UBE2QL1: variants seen among roughly 807,000 people sequenced by gnomAD.
The protein encoded by UBE2QL1 is ubiquitin conjugating enzyme E2 QL1, also known as ubiquitin-conjugating enzyme E2Q-like protein 1.
Under a neutral mutation model 12.6 loss-of-function variants are expected in UBE2QL1, and 5 were observed. That is an observed-to-expected ratio of 0.40 (90% CI 0.21 to 0.83). The LOEUF (loss-of-function observed/expected upper bound fraction) is 0.83. Ranked by LOEUF, UBE2QL1 falls within the 40% of genes least tolerant of loss-of-function variation. UBE2QL1 has a pLI of 0.37. For missense variants in UBE2QL1, 99 were observed against 222.6 expected, an observed-to-expected ratio of 0.44 and a Z score of 3.53; for synonymous variants, 96 against 94.5, an observed-to-expected ratio of 1.02 and a Z score of -0.10.
At chr5:6,484,590 C>T (rs905860546) in intron 1 of UBE2QL1, among the ~76,000 whole-genome samples, 1 of 152,162 alleles carries the variant, frequency 6.6e-6, no homozygotes, top group African/African-American at 2.4e-5. Context: ...AGGCAGCAGT[C>T]GCACATCAGA....
At chr5:6,486,326 GCACA>G (rs376249394) in intron 1 of UBE2QL1, among the ~76,000 whole-genome samples, 4 of 149,036 alleles carry the variant, frequency 2.7e-5, no homozygotes, top group East Asian at 2.0e-4. Flanking sequence ...ACACACACAA[GCACA>G]CACACACACA....
intron 1 of UBE2QL1, among the ~76,000 whole-genome samples, chr5:6,486,954 G>A (rs1317430358): frequency 1.1e-4 from 16 of 152,168 alleles, no homozygotes. Flanking sequence ...AATACCAAGA[G>A]TGAGAGACCC....
intron 1 of UBE2QL1, among the ~76,000 whole-genome samples, chr5:6,475,380 C>T (rs893216890): frequency 1.3e-5 from 2 of 151,886 alleles, no homozygotes; most frequent in African/African-American, 2.4e-5. Flanking sequence ...GATAATAGAA[C>T]ACGGCATTTT....
intron 1 of UBE2QL1, among the ~76,000 whole-genome samples, chr5:6,456,997 GC>G (rs1406885059): frequency 1.3e-5 from 2 of 151,622 alleles, no homozygotes; most frequent in Admixed American, 6.6e-5. Flanking sequence ...CCTCGTGGGT[GC>G]CTGTCCTCTG....
rs542827198 is a variant in UBE2QL1, at chr5:6,465,615, T to TC, written c.354+16368_354+16369insC. Among the ~76,000 whole-genome samples, 164 of 151,946 alleles carry TC rather than the reference T, an allele frequency of 1.1e-3. 2 individuals carry two copies. The highest frequency in any genetic ancestry group is 3.8e-3 in the African/African-American group (158 of 41,422). ...TTGCACCTCGTTTCAACAGGGACTC[T>TC]TGGGGGGGCTCTGGGATGCTTCGGG... On this transcript the variant is annotated intron_variant, in intron 1 of 1. Coordinates refer to ENST00000399816, the MANE Select transcript of UBE2QL1 (RefSeq NM_001145161.3).
chr5:6,448,905 G>T lies in UBE2QL1; in HGVS notation c.12G>T (p.Leu4=). The change falls in exon 1 of 2, where the codon CTG becomes CTT. Residue 4 remains leucine, a synonymous_variant. Coordinates refer to ENST00000399816, the MANE Select transcript of UBE2QL1 (RefSeq NM_001145161.3). MKE[L]QDIARLSDRF... ...GCAGCCGGCGGCTCATGAAGGAGCT[G>T]CAGGACATCGCGCGCCTTAGCGACC... 1.3e-6 allele frequency: 2 copies of T among 1,536,988 alleles called. No homozygotes were observed. Among genetic ancestry groups the T allele is most frequent in the Non-Finnish European group, 1.8e-6 (2 of 1,140,954 alleles).
chr5:6,453,217 TCA>T lies in UBE2QL1; in HGVS notation c.354+3973_354+3974del, dbSNP rs561471984. The stretch of plus-strand genomic sequence containing the variant: ...TTGTACAGGTGAGGAAACTGTAGTT[TCA>T]CAGAGTCAGGTGGAGTTTATACAGC... On this transcript the variant is annotated intron_variant, in intron 1 of 1. Coordinates refer to ENST00000399816, the MANE Select transcript of UBE2QL1 (RefSeq NM_001145161.3). 8.9e-4 allele frequency among the ~76,000 whole-genome samples: 135 copies of T among 152,326 alleles called. 1 individual carries two copies. Among genetic ancestry groups the T allele is most frequent in the African/African-American group, 3.0e-3 (124 of 41,576 alleles).
At chr5:6,467,755 C>G (rs539682334) in intron 1 of UBE2QL1, among the ~76,000 whole-genome samples, 2 of 152,150 alleles carry the variant, frequency 1.3e-5, no homozygotes, top group African/African-American at 4.8e-5. Flanking sequence ...CGGGCCCCAC[C>G]GCCCCAGCCT....
At chr5:6,480,011 C>G (rs1018334176) in intron 1 of UBE2QL1, among the ~76,000 whole-genome samples, 2 of 152,240 alleles carry the variant, frequency 1.3e-5, no homozygotes, top group African/African-American at 2.4e-5. Flanking sequence ...GAGAGAGACA[C>G]AGGTAATTGG....
chr5:6,458,752 AGT>A (rs374676564), intron 1 of UBE2QL1, among the ~76,000 whole-genome samples: 31 of 152,372 alleles, frequency 2.0e-4, no homozygotes, highest in African/African-American at 7.5e-4. Context: ...AAAATACCAT[AGT>A]GGAAACTTCA....
At chr5:6,457,336 A>T (rs1041607366) in intron 1 of UBE2QL1, among the ~76,000 whole-genome samples, 1 of 151,958 alleles carries the variant, frequency 6.6e-6, no homozygotes, top group Admixed American at 6.5e-5. Flanking sequence ...CACTCCTTCA[A>T]TAAAAGCGAT....
At chr5:6,485,903 T>G (rs1302734164) in intron 1 of UBE2QL1, among the ~76,000 whole-genome samples, 2 of 152,214 alleles carry the variant, frequency 1.3e-5, no homozygotes, top group Non-Finnish European at 2.9e-5. Context: ...GCTATGTAAA[T>G]GCAATATACT....
At chr5:6,458,134 T>C (rs1579287973) in intron 1 of UBE2QL1, among the ~76,000 whole-genome samples, 1 of 152,244 alleles carries the variant, frequency 6.6e-6, no homozygotes, top group East Asian at 1.9e-4. Flanking sequence ...AAGTGCTTTT[T>C]GAACATAATT....
chr5:6,461,540 A>AACCCCCCCCCCCCCCCCC (rs1553987848), intron 1 of UBE2QL1, among the ~76,000 whole-genome samples: 1 of 46,772 alleles, frequency 2.1e-5, no homozygotes, highest in Non-Finnish European at 4.8e-5. Flanking sequence ...TTCAGCACCC[A>AACCCCCCCCCCCCCCCCC]CCACCCCCCC....
In UBE2QL1 at chr5:6,448,928, ACCG is replaced by A. The variant is rs1442264871; in HGVS notation, c.37_39del (p.Arg13del). The A allele has an allele frequency of 6.5e-7, 1 of 1,542,956 alleles. No homozygotes were observed. Among genetic ancestry groups the A allele is most frequent in the Non-Finnish European group, 8.7e-7 (1 of 1,143,514 alleles). ...CTGCAGGACATCGCGCGCCTTAGCGACCGCTTCATCTCCGTGGAGCTGGTGGAC... is the reference window on the plus strand; with the variant it reads ...CTGCAGGACATCGCGCGCCTTAGCGACTTCATCTCCGTGGAGCTGGTGGAC... On this transcript the variant is annotated inframe_deletion, in exon 1 of 2. Transcript: ENST00000399816.
intron 1 of UBE2QL1, among the ~76,000 whole-genome samples, chr5:6,456,599 T>C (rs1050228088): frequency 2.6e-5 from 4 of 152,312 alleles, no homozygotes; most frequent in Admixed American, 2.6e-4. Context: ...GTTACACACA[T>C]CATTCATTCA....
At chr5:6,456,158 C>T (rs1400401961) in intron 1 of UBE2QL1, among the ~76,000 whole-genome samples, 1 of 152,204 alleles carries the variant, frequency 6.6e-6, no homozygotes, top group African/African-American at 2.4e-5. Context: ...AGGGAACGTA[C>T]CCTCTAATGG....
intron 1 of UBE2QL1, among the ~76,000 whole-genome samples, chr5:6,477,164 T>G (rs1215675837): frequency 1.3e-5 from 2 of 152,134 alleles, no homozygotes; most frequent in African/African-American, 2.4e-5. Context: ...CTTGTGTGCT[T>G]CTCCATCCTG....
intron 1 of UBE2QL1, among the ~76,000 whole-genome samples, chr5:6,466,789 C>T (rs774502340): frequency 2.0e-5 from 3 of 152,216 alleles, no homozygotes; most frequent in African/African-American, 4.8e-5. Context: ...TTTCTCTAAA[C>T]ACTGAATTTA....
Sources: allele counts gnomAD v4.1 joint callset (sites outside exome capture counted in the v4.1 genomes callset), GRCh38; gene constraint gnomAD v4.1.1; transcripts MANE v1.5; gene names NCBI Gene and HGNC (gene_info 2026-07-23, HGNC 2026-07-21).